MEGF6: variants seen among roughly 807,000 people sequenced by gnomAD.
MEGF6 encodes multiple epidermal growth factor-like domains protein 6.
A neutral mutation model predicts 207.1 loss-of-function variants in MEGF6; 184 were observed. The observed-to-expected ratio is 0.89, with a 90% CI of 0.79 to 1.00. The LOEUF is 1.00. MEGF6 is among the 50% of genes least tolerant of loss of function. The pLI is 0.00. For missense variants in MEGF6, 2,282 were observed against 2,202.9 expected, an observed-to-expected ratio of 1.04 and a Z score of -0.72; for synonymous variants, 1,038 against 910.0, an observed-to-expected ratio of 1.14 and a Z score of -2.53.
At chr1:3,491,131 G>A (rs574236310) in intron 35 of MEGF6, among the ~76,000 whole-genome samples, 172 bp from the exon 36 acceptor site, 93 of 107,446 alleles carry the variant, frequency 8.7e-4, no homozygotes, top group African/African-American at 5.8e-3. Context: ...CGGGAGCTGG[G>A]GGGGGGGGCT....
chr1:3,492,996 G>C lies in MEGF6; in HGVS notation c.4388-229C>G, dbSNP rs923519387. 4 of 583,488 alleles carry C rather than the reference G, an allele frequency of 6.9e-6. No homozygotes were observed. In the African/African-American group the frequency reaches 7.5e-5, roughly 11 times the overall value. 36.1% of individuals were successfully genotyped at this position (583,488 alleles called of 1,614,324 possible). On this transcript the variant is annotated intron_variant, in intron 34 of 36. Transcript: ENST00000356575. ...AGCCAGTGAGCTCCTGCATGAGAAA[G>C]CCCAGGCCCCAGGCACACGTCCAGA...
chr1:3,522,778 G>C (rs1482650334), intron 5 of MEGF6, among the ~76,000 whole-genome samples: 1 of 152,140 alleles, frequency 6.6e-6, no homozygotes. Context: ...CCACTGGGCT[G>C]ACACCTGGGC....
rs563021202 is a variant in MEGF6, at chr1:3,521,719, G to A, written c.604+2405C>T. Among the ~76,000 whole-genome samples the A allele has an allele frequency of 5.9e-5, 9 of 152,158 alleles. No individual in the cohort carries two copies. The East Asian group carries it at 7.8e-4, about 13-fold the overall frequency. ...ACCCATGCCTATCCTGGAAACTCCC[G>A]GGAGACCGAGGAACCGGCCCCACCC... is the stretch of plus-strand genomic sequence containing the variant. On this transcript the variant is annotated intron_variant, in intron 5 of 36. Transcript: ENST00000356575.
chr1:3,575,632 A>ACG (rs1553205175), intron 4 of MEGF6, among the ~76,000 whole-genome samples: 1,600 of 151,688 alleles, frequency 0.011, 30 homozygotes, highest in African/African-American at 0.037. Context: ...AGCAAGTCAC[A>ACG]TCTTACATGG....
intron 2 of MEGF6, among the ~76,000 whole-genome samples, chr1:3,600,999 G>A (rs1341330824): frequency 6.6e-6 from 1 of 152,154 alleles, no homozygotes; most frequent in Non-Finnish European, 1.5e-5. Context: ...CCCTGCATTG[G>A]GTAATGCCGG....
intron 2 of MEGF6, among the ~76,000 whole-genome samples, chr1:3,600,286 C>T (rs968403390): frequency 2.6e-5 from 4 of 152,194 alleles, no homozygotes; most frequent in African/African-American, 9.7e-5. Flanking sequence ...CAGAGCTGTC[C>T]CTGTGGGCAC....
intron 1 of MEGF6, among the ~76,000 whole-genome samples, chr1:3,605,729 C>T (rs1245678365): frequency 6.6e-6 from 1 of 152,206 alleles, no homozygotes; most frequent in African/African-American, 2.4e-5. Flanking sequence ...CTCACAGATA[C>T]ACACACAGGC....
chr1:3,615,161 C>A (rs978223577), upstream of MEGF6, among the ~76,000 whole-genome samples: 1 of 152,210 alleles, frequency 6.6e-6, no homozygotes, highest in Non-Finnish European at 1.5e-5. Flanking sequence ...TTGCATTGGA[C>A]TTCTCATTGC....
At position 3,560,273 on chromosome 1, in the gene MEGF6, C is replaced by T. The variant is rs72633402; in HGVS notation, c.481+19552G>A. Among the ~76,000 whole-genome samples the T allele has an allele frequency of 1.8e-4, 27 of 152,124 alleles. No individual in the cohort carries two copies. Among genetic ancestry groups the T allele is most frequent in the Non-Finnish European group, 3.4e-4 (23 of 68,022 alleles). On this transcript the variant is annotated intron_variant, in intron 4 of 36. Transcript: ENST00000356575. This position sits in a 1 kb window ranked among gnomAD's most constrained non-coding sequence, Gnocchi z 4.0. ...TCATTCAATCCTCCATTGGAATGAC[C>T]GCTTGGTACAGCGGACGAGCCCACG...
intron 4 of MEGF6, among the ~76,000 whole-genome samples, chr1:3,543,657 C>T (rs1332224271): frequency 6.6e-6 from 1 of 152,234 alleles, no homozygotes; most frequent in Non-Finnish European, 1.5e-5. Context: ...CGGTCCCTGG[C>T]CGAGATGCCG....
chr1:3,529,855 T>C (rs955178733), intron 4 of MEGF6, among the ~76,000 whole-genome samples: 16 of 152,222 alleles, frequency 1.1e-4, no homozygotes, highest in Non-Finnish European at 1.9e-4. Context: ...CCTGGACTTA[T>C]AGGAAACTTG....
At chr1:3,514,469 G>A in intron 7 of MEGF6, 81 bp downstream of exon 7, 1 of 1,473,646 alleles carries the variant, frequency 6.8e-7, no homozygotes, top group Non-Finnish European at 9.0e-7. Context: ...CACGGCCCCA[G>A]AGTTAGACAC....
intron 4 of MEGF6, among the ~76,000 whole-genome samples, chr1:3,546,249 G>A (rs1642700771): frequency 6.6e-6 from 1 of 152,206 alleles, no homozygotes; most frequent in African/African-American, 2.4e-5. Context: ...TTTTCCTTCT[G>A]TCTGTCCTTG....
At chr1:3,548,688 G>A (rs1459572753) in intron 4 of MEGF6, among the ~76,000 whole-genome samples, 1 of 152,184 alleles carries the variant, frequency 6.6e-6, no homozygotes, top group African/African-American at 2.4e-5. Context: ...AGGCAGGTGG[G>A]GCTGGACGCC....
intron 1 of MEGF6, among the ~76,000 whole-genome samples, chr1:3,607,788 G>A (rs886633680): frequency 3.9e-5 from 6 of 152,234 alleles, no homozygotes; most frequent in Non-Finnish European, 7.3e-5. Context: ...TGGTGCAGTC[G>A]GAGGCGGAAT....
At chr1:3,551,637 C>T (rs1331828138) in intron 4 of MEGF6, among the ~76,000 whole-genome samples, 2 of 152,284 alleles carry the variant, frequency 1.3e-5, no homozygotes, top group East Asian at 3.9e-4. Context: ...ACTTATATTG[C>T]CACAGCCACA....
chr1:3,609,495 C>T (rs893276638), intron 1 of MEGF6, among the ~76,000 whole-genome samples: 6 of 152,230 alleles, frequency 3.9e-5, no homozygotes, highest in Admixed American at 6.5e-5. Context: ...CCAGTGGATA[C>T]GCCTGCAGCC....
At chr1:3,526,810 T>C (rs1174119381) in intron 4 of MEGF6, among the ~76,000 whole-genome samples, 1 of 152,140 alleles carries the variant, frequency 6.6e-6, no homozygotes, top group Non-Finnish European at 1.5e-5. Flanking sequence ...GGGAGAAAGA[T>C]ACACAGGTGC....
At chr1:3,535,647 G>A (rs1642304053) in intron 4 of MEGF6, among the ~76,000 whole-genome samples, 1 of 151,282 alleles carries the variant, frequency 6.6e-6, no homozygotes, top group South Asian at 2.1e-4. Flanking sequence ...CTGCCCAGCT[G>A]GAACCCCAGT....
Sources: allele counts gnomAD v4.1 joint callset (sites outside exome capture counted in the v4.1 genomes callset), GRCh38; gene constraint gnomAD v4.1.1; non-coding constraint Gnocchi (gnomAD v3.1); transcripts MANE v1.5; gene names NCBI Gene and HGNC (gene_info 2026-07-23, HGNC 2026-07-21).